Variants in RAI14 observed in about 807,000 individuals in gnomAD.
RAI14 encodes retinoic acid induced 14, also known as ankycorbin.
A neutral mutation model predicts 115.4 loss-of-function variants in RAI14; 45 were observed. That is an observed-to-expected ratio of 0.39 (90% CI 0.31 to 0.50). The LOEUF (loss-of-function observed/expected upper bound fraction) is 0.50. RAI14 is among the 20% of genes least tolerant of loss of function. RAI14 has a pLI of 0.85. For synonymous variants in RAI14, 371 were observed against 415.4 expected, an observed-to-expected ratio of 0.89 and a Z score of 1.30; for missense variants, 939 against 1,131.2, an observed-to-expected ratio of 0.83 and a Z score of 2.44.
chr5:34,670,469 T>C (rs573073683), intron 1 of RAI14, among the ~76,000 whole-genome samples: 242 of 152,302 alleles, frequency 1.6e-3, no homozygotes, highest in African/African-American at 5.6e-3. Context: ...ATAAAATAAT[T>C]TAAAAAATAA....
chr5:34,676,773 G>C (rs1744007869), intron 1 of RAI14, among the ~76,000 whole-genome samples: 1 of 152,050 alleles, frequency 6.6e-6, no homozygotes, highest in South Asian at 2.1e-4. Flanking sequence ...GGAGATGAAT[G>C]GTCTCAAAAG....
intron 2 of RAI14, among the ~76,000 whole-genome samples, chr5:34,719,252 C>A (rs1450435802): frequency 6.6e-6 from 1 of 152,148 alleles, no homozygotes; most frequent in Non-Finnish European, 1.5e-5. Context: ...CGCTGGTGCC[C>A]CATTGGCCCT....
chr5:34,748,917 T>C (rs546636479), intron 2 of RAI14, among the ~76,000 whole-genome samples: 2 of 152,326 alleles, frequency 1.3e-5, no homozygotes, highest in African/African-American at 4.8e-5. Flanking sequence ...ATCTCACTTA[T>C]CTGTGTAACA....
chr5:34,752,737 G>A (rs867188773), intron 2 of RAI14, among the ~76,000 whole-genome samples: 19,157 of 99,862 alleles, frequency 0.19, 3,134 homozygotes, highest in African/African-American at 0.39. Flanking sequence ...GTGTGTGTGT[G>A]TGTGTGTGTG....
chr5:34,742,506 C>A (rs747058686), intron 2 of RAI14, among the ~76,000 whole-genome samples: 21 of 151,914 alleles, frequency 1.4e-4, no homozygotes, highest in Non-Finnish European at 5.9e-5. Flanking sequence ...AGAAACATTG[C>A]GGTAAACAAT....
At chr5:34,734,810 A>G (rs1478152105) in intron 2 of RAI14, among the ~76,000 whole-genome samples, 1 of 151,942 alleles carries the variant, frequency 6.6e-6, no homozygotes, top group Non-Finnish European at 1.5e-5. Flanking sequence ...ACAGGCACAT[A>G]CCACCACGCC....
chr5:34,740,441 C>T (rs10035600), intron 2 of RAI14, among the ~76,000 whole-genome samples: 24,733 of 152,176 alleles, frequency 0.16, 2,099 homozygotes, highest in South Asian at 0.21. Flanking sequence ...TAAGCCAAGA[C>T]GGTTTTGGAG....
intron 4 of RAI14, 74 bp from the exon 5 acceptor site, chr5:34,803,638 C>G (rs1754539586): frequency 4.9e-6 from 6 of 1,223,104 alleles, no homozygotes; most frequent in Non-Finnish European, 5.8e-6. Context: ...GCTGTCTTCT[C>G]ATATATAAGA....
chr5:34,732,641 G>A (rs956134236), intron 2 of RAI14, among the ~76,000 whole-genome samples: 9 of 151,394 alleles, frequency 5.9e-5, no homozygotes, highest in South Asian at 2.1e-4. Context: ...GTTTTGCCAC[G>A]TTGGCCAGGC....
At chr5:34,668,205 C>G (rs1222654801) in intron 1 of RAI14, among the ~76,000 whole-genome samples, 6 of 152,078 alleles carry the variant, frequency 3.9e-5, no homozygotes, top group Admixed American at 3.9e-4. Context: ...ACGAGCCTGG[C>G]CAACATGGTG....
chr5:34,665,144 CAT>C lies in RAI14; in HGVS notation c.-49+8676_-49+8677del, dbSNP rs1440863025. On this transcript the variant is annotated intron_variant, in intron 1 of 17. Transcript: ENST00000265109. ...ATATATGTATGTGTATATATATACA[CAT>C]ATATATGTGTGTGTATATATATATA... 1.2e-4 allele frequency among the ~76,000 whole-genome samples: 3 copies of C among 25,004 alleles called. 1 individual carries two copies. Among genetic ancestry groups the C allele is most frequent in the African/African-American group, 2.0e-4 (2 of 10,096 alleles). The allele number at this position is 25,004 out of a possible 152,430, so 16.4% of individuals were successfully genotyped here. A position where few individuals can be genotyped will look rare whatever the true frequency, so the allele number is the denominator to read the frequency against.
At chr5:34,688,194 G>T (rs1247587447) in intron 2 of RAI14, 1 of 1,550,426 alleles carries the variant, frequency 6.4e-7, no homozygotes, top group Non-Finnish European at 8.7e-7. Flanking sequence ...TCGTCTGCTG[G>T]CTGTATGTTA....
Position 34,757,559 on chromosome 5 carries a change from G to T in RAI14, c.128G>T (p.Gly43Val). The change falls in exon 3 of 18, where the codon GGG (glycine) becomes GTG (valine). Residue 43 changes from glycine (G) to valine (V), a missense_variant. Physicochemically the swap from Gly to Val is moderately radical, Grantham distance 109 (BLOSUM62 -3). Transcript: ENST00000265109. ...GTGGCCTCACTGCTCGGCAAGAAGGGGGCCAGTGCCACCAAACACGACAGT... is the reference window on the plus strand; with the variant it reads ...GTGGCCTCACTGCTCGGCAAGAAGGTGGCCAGTGCCACCAAACACGACAGT... ...EKVASLLGKK[G>V]ASATKHDSEG... 6.2e-7 allele frequency: 1 copy of T among 1,613,844 alleles called. No homozygotes were observed. Among genetic ancestry groups the T allele is most frequent in the Non-Finnish European group, 8.5e-7 (1 of 1,179,982 alleles).
At chr5:34,701,554 T>C (rs1011057504) in intron 2 of RAI14, among the ~76,000 whole-genome samples, 1 of 152,188 alleles carries the variant, frequency 6.6e-6, no homozygotes, top group Non-Finnish European at 1.5e-5. Context: ...ACTCAACCAA[T>C]TGTCAACCAG....
chr5:34,780,936 C>T (rs28829113), intron 3 of RAI14, among the ~76,000 whole-genome samples: 4,093 of 152,136 alleles, frequency 0.027, 185 homozygotes, highest in African/African-American at 0.093. Flanking sequence ...TTTATTGCGG[C>T]ACTATTCACA....
chr5:34,669,662 T>C (rs1473484744), intron 1 of RAI14, among the ~76,000 whole-genome samples: 1 of 152,180 alleles, frequency 6.6e-6, no homozygotes, highest in African/African-American at 2.4e-5. Flanking sequence ...CAGGATTCCA[T>C]TTGTATAATA....
At chr5:34,792,229 TTTTTTC>T (rs1239418962) in intron 3 of RAI14, among the ~76,000 whole-genome samples, 1 of 95,592 alleles carries the variant, frequency 1.0e-5, no homozygotes, top group Non-Finnish European at 2.1e-5. Flanking sequence ...TTTTCTTTTC[TTTTTTC>T]TTTTTTTTTT....
chr5:34,764,753 T>G lies in RAI14; in HGVS notation c.167+7155T>G, dbSNP rs1412026682. ...AGCTGAACTTAATTTATTGCAAAAT[T>G]GTGCTTTAGAAGGAAGACTTATAAC... On this transcript the variant is annotated intron_variant, in intron 3 of 17. Coordinates refer to ENST00000265109, the MANE Select transcript of RAI14 (RefSeq NM_015577.3). 5.9e-5 allele frequency among the ~76,000 whole-genome samples: 9 copies of G among 152,248 alleles called. No individual in the cohort carries two copies. In the East Asian group the frequency reaches 1.7e-3, roughly 29 times the overall value.
chr5:34,680,118 C>T (rs1300091715), intron 1 of RAI14, among the ~76,000 whole-genome samples: 2 of 152,116 alleles, frequency 1.3e-5, no homozygotes, highest in Admixed American at 6.5e-5. Context: ...ACTGATAACA[C>T]GGTTCTTGAA....
Sources: gnomAD v4.1 joint callset for allele counts (sites outside exome capture counted in the v4.1 genomes callset) on GRCh38, gnomAD v4.1.1 for gene constraint, MANE v1.5 for transcripts, NCBI Gene and HGNC (gene_info 2026-07-23, HGNC 2026-07-21) for gene names.